EDAR: variants seen among roughly 807,000 people sequenced by gnomAD.
The protein encoded by EDAR is tumor necrosis factor receptor superfamily member EDAR.
EDAR carries 38 observed loss-of-function variants against 51.3 expected under a neutral mutation model. The ratio of observed to expected loss-of-function variants is 0.74; its 90% CI spans 0.57 to 0.97. The LOEUF (loss-of-function observed/expected upper bound fraction) is 0.97, where lower values mean the gene tolerates loss of function less well. EDAR is among the 50% of genes least tolerant of loss of function. The pLI, the probability that EDAR is intolerant of heterozygous loss-of-function variation, is 0.00. For missense variants in EDAR, 528 were observed against 595.0 expected (o/e 0.89, Z 1.17); for synonymous variants, 227 against 242.1 (o/e 0.94, Z 0.58).
intron 1 of EDAR, among the ~76,000 whole-genome samples, chr2:108,952,529 T>C (rs1288957314): frequency 1.3e-5 from 2 of 152,236 alleles, no homozygotes. Context: ...ATTTTTCATT[T>C]CAGATATACT....
At chr2:108,924,420 G>A (rs1697213248) in intron 4 of EDAR, among the ~76,000 whole-genome samples, 1 of 152,220 alleles carries the variant, frequency 6.6e-6, no homozygotes, top group Non-Finnish European at 1.5e-5. Context: ...CAAATGCTCA[G>A]CGGAGAGCAT....
intron 1 of EDAR, among the ~76,000 whole-genome samples, chr2:108,974,317 G>A (rs187701348): frequency 1.3e-3 from 148 of 116,638 alleles, no homozygotes; most frequent in African/African-American, 4.9e-3. Context: ...GAGACAGAGC[G>A]AGGATCCGTC....
At position 108,906,295 on chromosome 2, in the gene EDAR, T is replaced by A. The variant is rs745378289; in HGVS notation, c.1024+13A>T. 1 of 1,614,182 alleles carries A rather than the reference T, an allele frequency of 6.2e-7. No homozygotes were observed. Among genetic ancestry groups the A allele is most frequent in the Admixed American group, 1.7e-5 (1 of 60,024 alleles). ...GTGGGCACCACCTCTCCCAGGCTTT[T>A]TTTTCAGCTTACCTTCCACGACTCC... On this transcript the variant is annotated intron_variant, in intron 11 of 11. Transcript: ENST00000258443.
At chr2:108,945,570 C>G (rs1164587621) in intron 1 of EDAR, among the ~76,000 whole-genome samples, 2 of 151,882 alleles carry the variant, frequency 1.3e-5, no homozygotes, top group African/African-American at 4.8e-5. Context: ...TAAATGCCAG[C>G]CACAAAGAAC....
intron 1 of EDAR, among the ~76,000 whole-genome samples, chr2:108,979,497 ACACG>A (rs1312160905): frequency 3.4e-5 from 5 of 147,918 alleles, no homozygotes; most frequent in East Asian, 2.3e-4. Context: ...ACACACACAC[ACACG>A]CATGGCACAC....
intron 11 of EDAR, among the ~76,000 whole-genome samples, chr2:108,898,878 TACTC>T (rs902959204): frequency 4.6e-5 from 7 of 152,168 alleles, no homozygotes; most frequent in Non-Finnish European, 8.8e-5. Context: ...AAGTGGAAAT[TACTC>T]AATCAGAGAA....
intron 1 of EDAR, among the ~76,000 whole-genome samples, chr2:108,956,796 G>T (rs199884769): frequency 0.027 from 3,921 of 146,190 alleles, 105 homozygotes; most frequent in African/African-American, 0.07. Flanking sequence ...TTTTTTTTTT[G>T]TTTTTTTTGA....
chr2:108,939,948 C>T (rs1011117902), intron 1 of EDAR, among the ~76,000 whole-genome samples: 4 of 152,214 alleles, frequency 2.6e-5, no homozygotes, highest in African/African-American at 7.2e-5. Flanking sequence ...CCTGCATGAA[C>T]GTGTCTCAGT....
At chr2:108,955,421 A>C (rs911496400) in intron 1 of EDAR, among the ~76,000 whole-genome samples, 2 of 152,238 alleles carry the variant, frequency 1.3e-5, no homozygotes, top group African/African-American at 4.8e-5. Context: ...ATTTTCTTTC[A>C]GTCCCTTATT....
rs1309961673 is a variant in EDAR, at chr2:108,895,527, G to GA, written c.*1379dup. The stretch of plus-strand genomic sequence containing the variant: ...TATGTCAAACCATTGCAGTTATTGT[G>GA]AAAATGCCAAGTCTGAGTTTTTCTG... On this transcript the variant is annotated 3_prime_UTR_variant, in exon 12 of 12. Coordinates refer to ENST00000258443, the MANE Select transcript of EDAR (RefSeq NM_022336.4). 1.3e-5 allele frequency: 2 copies of GA among 152,142 alleles called. No individual in the cohort carries two copies. The highest frequency in any genetic ancestry group is 4.8e-5 in the African/African-American group (2 of 41,420). The allele number at this position is 152,142 out of a possible 1,614,324, so 9.4% of individuals were successfully genotyped here.
chr2:108,939,017 A>C (rs1329128321), intron 1 of EDAR, among the ~76,000 whole-genome samples: 1 of 150,972 alleles, frequency 6.6e-6, no homozygotes, highest in Non-Finnish European at 1.5e-5. Context: ...TGACCTCATG[A>C]TCTGCCCACC....
rs1378136383 is a variant in EDAR at position 108,896,204 on chromosome 2, C to G, written c.*703G>C. 1 of 152,266 alleles carries G rather than the reference C, an allele frequency of 6.6e-6. No individual in the cohort carries two copies. The highest frequency in any genetic ancestry group is 1.5e-5 in the Non-Finnish European group (1 of 68,138). 9.4% of individuals were successfully genotyped at this position (152,266 alleles called of 1,614,324 possible). A position where few individuals can be genotyped will look rare whatever the true frequency, so the allele number is the denominator to read the frequency against. ...TTGGTTTTGTATAGAGTGAGCTCTT[C>G]CATTATTGACTGGAAGGCCTGTAAG... is the stretch of plus-strand genomic sequence containing the variant. On this transcript the variant is annotated 3_prime_UTR_variant, in exon 12 of 12. Transcript: ENST00000258443.
At chr2:108,959,464 C>T (rs1360841620) in intron 1 of EDAR, among the ~76,000 whole-genome samples, 1 of 152,232 alleles carries the variant, frequency 6.6e-6, no homozygotes, top group Non-Finnish European at 1.5e-5. Flanking sequence ...CTGGGTCTTT[C>T]ATGAGCAGAA....
intron 11 of EDAR, among the ~76,000 whole-genome samples, chr2:108,901,228 T>C (rs1329737318): frequency 2.0e-5 from 3 of 152,170 alleles, no homozygotes; most frequent in Non-Finnish European, 2.9e-5. Flanking sequence ...GACAACAGTC[T>C]TCTAAATAAT....
In EDAR at chr2:108,931,005, C is replaced by G. The variant is rs377050594; in HGVS notation, c.10G>C (p.Val4Leu). Reference protein sequence around the residue: MAHVGDCTQTPWLP... With the variant: MAHLGDCTQTPWLP... ...CAGGGCGTCTGCGTGCAGTCCCCCA[C>G]ATGGGCCATCCTCTCCCAAGGGCTC... The change falls in exon 2 of 12, where the codon GTG becomes CTG. Residue 4 changes from valine to leucine, a missense_variant. Coordinates refer to ENST00000258443, the MANE Select transcript of EDAR (RefSeq NM_022336.4). 8 of 1,614,044 alleles carry G rather than the reference C, an allele frequency of 5.0e-6. No individual in the cohort carries two copies. The African/African-American group carries it at 5.3e-5, about 11-fold the overall frequency.
In EDAR at chr2:108,962,483, C is replaced by T. The variant is rs143306835; in HGVS notation, c.-19+26477G>A. Among the ~76,000 whole-genome samples the T allele has an allele frequency of 8.0e-3, 1,208 of 151,904 alleles. 9 individuals are homozygous for T. The highest frequency in any genetic ancestry group is 0.03 in the South Asian group (142 of 4,806). On this transcript the variant is annotated intron_variant, in intron 1 of 11. Transcript: ENST00000258443. ...GGTCAGGAGATCGAGACCATCCTGG[C>T]GAACACAGTGAAACCCTGTCTCTAC...
At chr2:108,986,797 C>T (rs1165732222) in intron 1 of EDAR, among the ~76,000 whole-genome samples, 1 of 152,150 alleles carries the variant, frequency 6.6e-6, no homozygotes, top group Non-Finnish European at 1.5e-5. Context: ...AAAATTCCTT[C>T]CTGCAATATA....
intron 1 of EDAR, among the ~76,000 whole-genome samples, chr2:108,961,603 A>G (rs953144977): frequency 2.0e-5 from 3 of 152,242 alleles, no homozygotes; most frequent in Non-Finnish European, 4.4e-5. Context: ...TACATTAAAA[A>G]AGCACTCACT....
rs554276427 is a variant in EDAR at position 108,925,145 on chromosome 2, C to A, written c.357-1692G>T. On this transcript the variant is annotated intron_variant, in intron 4 of 11. Coordinates refer to ENST00000258443, the MANE Select transcript of EDAR (RefSeq NM_022336.4). The stretch of plus-strand genomic sequence containing the variant: ...AAGCCTTGTTCACGTCTATTGGTCC[C>A]GCTCCTGGGCTGGGAGGCCCTCCAG... 2.5e-4 allele frequency among the ~76,000 whole-genome samples: 37 copies of A among 150,566 alleles called. 1 individual carries two copies. Among genetic ancestry groups the A allele is most frequent in the Middle Eastern group, 3.4e-3 (1 of 294 alleles).
Sources: allele counts gnomAD v4.1 joint callset (sites outside exome capture counted in the v4.1 genomes callset), GRCh38; gene constraint gnomAD v4.1.1; transcripts MANE v1.5; gene names NCBI Gene and HGNC (gene_info 2026-07-23, HGNC 2026-07-21).